The following MYBPC1 variants were observed in gnomAD, a reference collection of about 807,000 sequenced individuals.
The protein encoded by MYBPC1 is myosin binding protein C1, also known as myosin-binding protein C, slow-type.
In MYBPC1, 52 loss-of-function variants were observed where a neutral mutation model predicts 147.1. The ratio of observed to expected loss-of-function variants is 0.35; its 90% CI spans 0.28 to 0.45. The LOEUF is 0.45. Ranked by LOEUF, MYBPC1 falls within the 20% of genes least tolerant of loss-of-function variation. The pLI is 1.00. For synonymous variants in MYBPC1, 477 were observed against 475.9 expected, an observed-to-expected ratio of 1.00 and a Z score of -0.03; for missense variants, 1,228 against 1,440.3, an observed-to-expected ratio of 0.85 and a Z score of 2.39.
At chr12:101,601,535 C>G (rs1399837775) in intron 1 of MYBPC1, among the ~76,000 whole-genome samples, 3 of 152,176 alleles carry the variant, frequency 2.0e-5, no homozygotes, top group African/African-American at 7.2e-5. Context: ...ATTTCTCTTT[C>G]TATAATGAGT....
intron 1 of MYBPC1, among the ~76,000 whole-genome samples, chr12:101,599,435 A>G (rs1367714078): frequency 6.6e-6 from 1 of 152,176 alleles, no homozygotes; most frequent in African/African-American, 2.4e-5. Flanking sequence ...AATGTAGAGC[A>G]GCATTCATCC....
chr12:101,666,933 A>G, intron 22 of MYBPC1: 1 of 685,964 alleles, frequency 1.5e-6, no homozygotes, highest in Admixed American at 2.1e-5. Flanking sequence ...ACACACATAC[A>G]CACACACACA....
At chr12:101,615,788 G>C (rs1446397877) in intron 2 of MYBPC1, among the ~76,000 whole-genome samples, 2 of 151,616 alleles carry the variant, frequency 1.3e-5, no homozygotes, top group Non-Finnish European at 2.9e-5. Context: ...CAGGAGTTTG[G>C]AGAAGGTCTC....
intron 3 of MYBPC1, among the ~76,000 whole-genome samples, chr12:101,622,791 T>C (rs1887730997): frequency 6.6e-6 from 1 of 152,068 alleles, no homozygotes; most frequent in East Asian, 1.9e-4. Context: ...GCTTTGCTCA[T>C]GTTGATTATG....
intron 3 of MYBPC1, among the ~76,000 whole-genome samples, chr12:101,622,887 T>C (rs766453558): frequency 1.3e-4 from 20 of 152,248 alleles, no homozygotes; most frequent in Non-Finnish European, 2.4e-4. Flanking sequence ...TTGACACTAC[T>C]GTTGGGTGAT....
intron 5 of MYBPC1, among the ~76,000 whole-genome samples, chr12:101,628,821 C>T (rs1270184320): frequency 2.0e-5 from 3 of 152,188 alleles, no homozygotes; most frequent in African/African-American, 7.2e-5. Context: ...TGCTTTTCCC[C>T]CTTGCAGCAC....
intron 13 of MYBPC1, among the ~76,000 whole-genome samples, chr12:101,647,179 A>G (rs1229533334): frequency 1.3e-5 from 2 of 152,206 alleles, no homozygotes; most frequent in Non-Finnish European, 2.9e-5. Flanking sequence ...TCACACACTC[A>G]ATTGATCACA....
Position 101,673,304 on chromosome 12 carries a change from A to G in MYBPC1, c.2614-123A>G, listed in dbSNP as rs1003816639. The G allele has an allele frequency of 4.5e-5, 42 of 940,746 alleles. No individual in the cohort carries two copies. The Admixed American group carries it at 7.0e-4, about 16-fold the overall frequency. The allele number at this position is 940,746 out of a possible 1,614,324, so 58.3% of individuals were successfully genotyped here. The stretch of plus-strand genomic sequence containing the variant: ...TGCTGTAATTGCTCACCACCAGACT[A>G]GAAGGGTGGTATTTTCCAGCCCTGC... On this transcript the variant is annotated intron_variant, in intron 24 of 31. Coordinates refer to ENST00000361466, the MANE Select transcript of MYBPC1 (RefSeq NM_002465.4).
intron 1 of MYBPC1, among the ~76,000 whole-genome samples, chr12:101,606,464 G>GTT (rs1367257692): frequency 2.3e-5 from 3 of 127,810 alleles, no homozygotes; most frequent in Non-Finnish European, 4.7e-5. Context: ...AATCAATTTA[G>GTT]TATTTTTTTT....
At chr12:101,654,944 A>C (rs1895273343) in intron 18 of MYBPC1, among the ~76,000 whole-genome samples, 1 of 152,226 alleles carries the variant, frequency 6.6e-6, no homozygotes, top group African/African-American at 2.4e-5. Flanking sequence ...TTGCATTTCA[A>C]AACAAAGCTC....
chr12:101,634,612 C>A lies in MYBPC1; in HGVS notation c.608+7C>A. 1 of 1,607,910 alleles carries A rather than the reference C, an allele frequency of 6.2e-7. No individual in the cohort carries two copies. The highest frequency in any genetic ancestry group is 1.1e-5 in the South Asian group (1 of 90,928). ...GATCTGCTTTCAAGAGAAGGTAACT[C>A]CAAAAGAAAAATCTAGATAGCTTTT... On this transcript the variant is annotated splice_region_variant and intron_variant, in intron 9 of 31. Coordinates refer to ENST00000361466, the MANE Select transcript of MYBPC1 (RefSeq NM_002465.4).
intron 4 of MYBPC1, among the ~76,000 whole-genome samples, chr12:101,627,426 A>G (rs1032694970): frequency 2.0e-5 from 3 of 152,064 alleles, no homozygotes; most frequent in Admixed American, 6.6e-5. Context: ...TATTTTTAGT[A>G]GAGACGGAGT....
intron 18 of MYBPC1, among the ~76,000 whole-genome samples, chr12:101,653,620 T>C (rs902367757): frequency 5.9e-5 from 9 of 152,130 alleles, no homozygotes; most frequent in Admixed American, 2.0e-4. Context: ...AATGATACAA[T>C]AGCAAGTAAC....
At chr12:101,599,025 G>T (rs1307522734) in intron 1 of MYBPC1, among the ~76,000 whole-genome samples, 2 of 152,210 alleles carry the variant, frequency 1.3e-5, no homozygotes, top group South Asian at 2.1e-4. Flanking sequence ...AAAGGCAAAA[G>T]TTCCTCTTTG....
chr12:101,632,984 C>T (rs1254308431), intron 8 of MYBPC1, among the ~76,000 whole-genome samples: 1 of 152,218 alleles, frequency 6.6e-6, no homozygotes, highest in East Asian at 1.9e-4. Context: ...ATCCACCTGC[C>T]TTGGCCTCCC....
At chr12:101,610,659 TTC>T (rs1230532880) in intron 1 of MYBPC1, among the ~76,000 whole-genome samples, 1 of 152,216 alleles carries the variant, frequency 6.6e-6, no homozygotes, top group East Asian at 1.9e-4. Context: ...GTGCTATTAT[TTC>T]TCTCATACTT....
intron 5 of MYBPC1, 77 bp from the exon 6 acceptor site, chr12:101,629,357 G>A (rs952661172): frequency 1.9e-5 from 19 of 983,476 alleles, no homozygotes; most frequent in Non-Finnish European, 3.1e-5. Flanking sequence ...GCGTTGGTGA[G>A]AACAACAAAT....
Position 101,648,089 on chromosome 12 carries a change from T to A in MYBPC1, c.1135T>A (p.Tyr379Asn), listed in dbSNP as rs746724742. Residue 379 changes from tyrosine (Y) to asparagine (N), a missense_variant, in exon 14 of 32, where the codon TAT becomes AAT. By Grantham distance (143) the Tyr-to-Asn change is moderately radical (BLOSUM62 -2). Around this residue, in one of 2 missense-constraint regions of MYBPC1, gnomAD observed 1,077 missense variants for 1,314.2 expected, o/e 0.82. Transcript: ENST00000361466. ...VTKQLEDTTAYCGERVELECE... is the reference protein window; with the variant it reads ...VTKQLEDTTANCGERVELECE... The stretch of plus-strand genomic sequence containing the variant: ...CAAACAGCTGGAAGATACAACTGCT[T>A]ATTGTGGGGAGAGAGTGGAATTAGA... 15 of 1,613,036 alleles carry A rather than the reference T, an allele frequency of 9.3e-6. No homozygotes were observed. The highest frequency in any genetic ancestry group is 1.1e-5 in the Non-Finnish European group (13 of 1,179,280).
At chr12:101,618,177 T>C (rs572806425) in intron 3 of MYBPC1, among the ~76,000 whole-genome samples, 1 of 152,358 alleles carries the variant, frequency 6.6e-6, no homozygotes, top group East Asian at 1.9e-4. Flanking sequence ...CTAATTTCTA[T>C]GATATTCTTG....
Sources: allele counts gnomAD v4.1 joint callset (sites outside exome capture counted in the v4.1 genomes callset), GRCh38; gene constraint gnomAD v4.1.1; regional missense constraint gnomAD v4.1.1; transcripts MANE v1.5; gene names NCBI Gene and HGNC (gene_info 2026-07-23, HGNC 2026-07-21).